The following ARMH4 variants were observed in gnomAD, a reference collection of about 807,000 sequenced individuals.
The protein encoded by ARMH4 is armadillo-like helical domain-containing protein 4.
Under a neutral mutation model 61.9 loss-of-function variants are expected in ARMH4, and 49 were observed. The observed-to-expected ratio is 0.79, with a 90% CI of 0.63 to 1.00. The LOEUF (loss-of-function observed/expected upper bound fraction) is 1.00. Ranked by LOEUF, ARMH4 falls within the 50% of genes least tolerant of loss-of-function variation. ARMH4 has a pLI of 0.00. For missense variants in ARMH4, 934 were observed against 930.0 expected, an observed-to-expected ratio of 1.00 and a Z score of -0.06; for synonymous variants, 368 against 341.5, an observed-to-expected ratio of 1.08 and a Z score of -0.85.
At chr14:58,086,657 C>T (rs1274677777) in intron 5 of ARMH4, among the ~76,000 whole-genome samples, 2 of 152,110 alleles carry the variant, frequency 1.3e-5, no homozygotes, top group African/African-American at 2.4e-5. Flanking sequence ...GAATGGCGAT[C>T]AGCTGGAAGA....
chr14:58,020,916 C>T (rs1386510774), intron 5 of ARMH4, among the ~76,000 whole-genome samples: 2 of 152,180 alleles, frequency 1.3e-5, no homozygotes, highest in East Asian at 1.9e-4. Context: ...TGGTTTAGTT[C>T]CAGCCTGAGT....
At chr14:58,026,366 A>T (rs1883021654) in intron 5 of ARMH4, among the ~76,000 whole-genome samples, 1 of 152,078 alleles carries the variant, frequency 6.6e-6, no homozygotes, top group Non-Finnish European at 1.5e-5. Flanking sequence ...TCTTTACCTA[A>T]GCAACCTTGA....
In ARMH4 at chr14:58,131,747, G is replaced by A. The variant is rs182305719; in HGVS notation, c.1622-26C>T. ...CTGCCAAACACAACAGACAGGACTT[G>A]ACCCACAAGATAATCATTATGGCAA... On this transcript the variant is annotated intron_variant, in intron 3 of 7. Transcript: ENST00000267485. 4 of 1,594,188 alleles carry A rather than the reference G, an allele frequency of 2.5e-6. No individual in the cohort carries two copies. The African/African-American group carries it at 5.4e-5, about 21-fold the overall frequency.
intron 4 of ARMH4, among the ~76,000 whole-genome samples, chr14:58,100,748 G>A (rs762915828): frequency 6.6e-6 from 1 of 152,076 alleles, no homozygotes; most frequent in African/African-American, 2.4e-5. Flanking sequence ...CCTTCTCCTG[G>A]AGTGCCCCTG....
chr14:58,053,882 G>A (rs992456487), intron 5 of ARMH4, among the ~76,000 whole-genome samples: 2 of 152,108 alleles, frequency 1.3e-5, no homozygotes, highest in African/African-American at 4.8e-5. Context: ...GGGTCTTTAC[G>A]TCATGTTTTT....
At chr14:58,063,701 G>A (rs1463751020) in intron 5 of ARMH4, among the ~76,000 whole-genome samples, 1 of 151,370 alleles carries the variant, frequency 6.6e-6, no homozygotes, top group East Asian at 1.9e-4. Flanking sequence ...CTTTGGTACT[G>A]TCATCTATCA....
At chr14:58,067,910 G>C (rs1012676482) in intron 5 of ARMH4, among the ~76,000 whole-genome samples, 7 of 152,170 alleles carry the variant, frequency 4.6e-5, no homozygotes, top group Admixed American at 1.3e-4. Flanking sequence ...AGGAAAAGAA[G>C]AGAAAGAACA....
chr14:58,040,525 T>C (rs1238283552), intron 5 of ARMH4, among the ~76,000 whole-genome samples: 1 of 152,200 alleles, frequency 6.6e-6, no homozygotes, highest in Non-Finnish European at 1.5e-5. Context: ...TAGTATTCCA[T>C]GGTGTATATG....
chr14:58,100,241 G>A (rs777114220), intron 4 of ARMH4, among the ~76,000 whole-genome samples: 10 of 152,206 alleles, frequency 6.6e-5, no homozygotes, highest in East Asian at 1.9e-4. Context: ...AGGAAAAAGC[G>A]TGAAATAGTC....
chr14:58,026,290 G>A (rs1229069595), intron 5 of ARMH4, among the ~76,000 whole-genome samples: 1 of 151,594 alleles, frequency 6.6e-6, no homozygotes, highest in Admixed American at 6.6e-5. Context: ...TATTCACCAG[G>A]GGAGAAAAAA....
At chr14:58,070,704 G>A (rs186368732) in intron 5 of ARMH4, among the ~76,000 whole-genome samples, 207 of 152,286 alleles carry the variant, frequency 1.4e-3, no homozygotes, top group South Asian at 6.0e-3. Context: ...TCCTTTGAGT[G>A]ACAAACAGTC....
intron 4 of ARMH4, among the ~76,000 whole-genome samples, chr14:58,100,174 C>T (rs915727115): frequency 1.3e-5 from 2 of 151,890 alleles, no homozygotes; most frequent in Non-Finnish European, 2.9e-5. Context: ...TTCTTTTATT[C>T]TCGGTCAAAT....
chr14:58,138,798 CATAT>C lies in ARMH4; in HGVS notation c.557_560del (p.Tyr186TrpfsTer24), dbSNP rs748412099. 51 of 1,614,068 alleles carry C rather than the reference CATAT, an allele frequency of 3.2e-5. No individual in the cohort carries two copies. Among genetic ancestry groups the C allele is most frequent in the Middle Eastern group, 1.6e-4 (1 of 6,084 alleles). On this transcript the variant is annotated frameshift_variant, in exon 2 of 8. Coordinates refer to ENST00000267485, the MANE Select transcript of ARMH4 (RefSeq NM_001001872.4). LOFTEE classifies it high-confidence loss of function. Reference sequence around the variant, plus strand: ...TTTCAGTTGCAAATGATTGATTATCCATATACTTCAGAAAACCTTTTGTGGTTTC... The same window carrying C: ...TTTCAGTTGCAAATGATTGATTATCCACTTCAGAAAACCTTTTGTGGTTTC...
chr14:58,100,883 G>C (rs1441927539), intron 4 of ARMH4: 1 of 152,874 alleles, frequency 6.5e-6, no homozygotes, highest in Non-Finnish European at 1.5e-5. Flanking sequence ...GAACCAGAGT[G>C]CAGAGTGAGG....
intron 1 of ARMH4, among the ~76,000 whole-genome samples, chr14:58,142,853 A>T (rs1175661472): frequency 6.6e-6 from 1 of 152,062 alleles, no homozygotes; most frequent in Non-Finnish European, 1.5e-5. Context: ...TCAAGCTCCT[A>T]AGTAGGTAGG....
chr14:58,103,475 C>T (rs766846385), intron 4 of ARMH4, among the ~76,000 whole-genome samples: 20 of 152,016 alleles, frequency 1.3e-4, no homozygotes, highest in East Asian at 3.9e-4. Flanking sequence ...GCCTCCAGAA[C>T]GATGAGGAAA....
At chr14:58,102,028 T>C (rs934303313) in intron 4 of ARMH4, among the ~76,000 whole-genome samples, 1 of 152,116 alleles carries the variant, frequency 6.6e-6, no homozygotes, top group African/African-American at 2.4e-5. Context: ...GGCTGGGTAG[T>C]GGAAGAGTGG....
intron 5 of ARMH4, among the ~76,000 whole-genome samples, chr14:58,060,489 C>G (rs112383502): frequency 9.2e-5 from 14 of 152,304 alleles, no homozygotes; most frequent in African/African-American, 3.1e-4. Flanking sequence ...ATTTTATTAA[C>G]TGATGGTACT....
rs1374436033 is a variant in ARMH4, at chr14:58,139,034, G to A, written c.325C>T (p.Pro109Ser). ...GACTCAGTAGGTGTGGAAACACCAG[G>A]GCGTTCTGTTTGCATGAGCCCAGCT... ...GQAGLMQTER[P>S]GVSTPTESGV... The change falls in exon 2 of 8, where the codon CCT becomes TCT. Residue 109 changes from proline (P) to serine (S), a missense_variant. Pro to Ser is a moderately conservative substitution (Grantham distance 74). Transcript: ENST00000267485. 12 of 1,614,180 alleles carry A rather than the reference G, an allele frequency of 7.4e-6. No homozygotes were observed. The highest frequency in any genetic ancestry group is 1.0e-5 in the Non-Finnish European group (12 of 1,180,038).
Sources: gnomAD v4.1 joint callset for allele counts (sites outside exome capture counted in the v4.1 genomes callset) on GRCh38, gnomAD v4.1.1 for gene constraint, MANE v1.5 for transcripts, NCBI Gene and HGNC (gene_info 2026-07-23, HGNC 2026-07-21) for gene names.